The following ANKRD6 variants were observed in gnomAD, a reference collection of about 807,000 sequenced individuals.
ANKRD6 encodes the protein ankyrin repeat domain 6.
Under a neutral mutation model 82.3 loss-of-function variants are expected in ANKRD6, and 56 were observed. The ratio of observed to expected loss-of-function variants is 0.68; its 90% confidence interval spans 0.55 to 0.85. The LOEUF is 0.85. Ranked by LOEUF, ANKRD6 falls within the 40% of genes least tolerant of loss-of-function variation. ANKRD6 has a pLI of 0.00. For missense variants in ANKRD6, 852 were observed against 907.6 expected (o/e 0.94, Z 0.79); for synonymous variants, 347 against 352.1 (o/e 0.99, Z 0.16).
intron 1 of ANKRD6, among the ~76,000 whole-genome samples, chr6:89,493,703 G>T (rs1438020161): frequency 6.6e-6 from 1 of 152,010 alleles, no homozygotes; most frequent in Non-Finnish European, 1.5e-5. Flanking sequence ...GGTGTGAGCC[G>T]CCACGCCCAG....
chr6:89,488,570 G>T (rs537813522), intron 1 of ANKRD6, among the ~76,000 whole-genome samples: 1 of 152,170 alleles, frequency 6.6e-6, no homozygotes, highest in Non-Finnish European at 1.5e-5. Context: ...TCTCATTCAG[G>T]ATTCTCAGAT....
At chr6:89,474,505 C>T (rs994679778) in intron 1 of ANKRD6, among the ~76,000 whole-genome samples, 5 of 152,156 alleles carry the variant, frequency 3.3e-5, no homozygotes, top group African/African-American at 1.2e-4. Flanking sequence ...GCAAGCTCCA[C>T]CTCCTGGGTT....
chr6:89,589,179 T>C (rs1323833911), intron 2 of ANKRD6, among the ~76,000 whole-genome samples: 1 of 152,064 alleles, frequency 6.6e-6, no homozygotes, highest in East Asian at 1.9e-4. Context: ...GGGTCCAAGA[T>C]ACTGAAGCAG....
intron 3 of ANKRD6, among the ~76,000 whole-genome samples, chr6:89,600,339 G>A (rs1377887631): frequency 6.6e-6 from 1 of 152,190 alleles, no homozygotes; most frequent in Non-Finnish European, 1.5e-5. Flanking sequence ...CCAAGGCTTA[G>A]GTTAGTCTGT....
At chr6:89,443,709 C>T (rs561477144) in intron 1 of ANKRD6, among the ~76,000 whole-genome samples, 1 of 152,244 alleles carries the variant, frequency 6.6e-6, no homozygotes, top group Non-Finnish European at 1.5e-5. Context: ...ATAATTTGAG[C>T]CCTTATGGCA....
At position 89,633,529 on chromosome 6, in the gene ANKRD6, A is replaced by G. The variant is rs1160382938; in HGVS notation, c.*2525A>G. 6.6e-6 allele frequency: 1 copy of G among 152,246 alleles called. No homozygotes were observed. The highest frequency in any genetic ancestry group is 6.5e-5 in the Admixed American group (1 of 15,288). 9.4% of individuals were successfully genotyped at this position (152,246 alleles called of 1,614,324 possible). On this transcript the variant is annotated 3_prime_UTR_variant, in exon 16 of 16. Transcript: ENST00000339746. The stretch of plus-strand genomic sequence containing the variant: ...GGCTGAAATTTTCAACAGCTGTGGG[A>G]AAAACTAAAACACAGAAATACTGTA...
chr6:89,524,155 C>T (rs1442631912), intron 1 of ANKRD6, among the ~76,000 whole-genome samples: 1 of 151,976 alleles, frequency 6.6e-6, no homozygotes, highest in African/African-American at 2.4e-5. Context: ...TGATAATTTT[C>T]TTTTTATTTT....
At chr6:89,469,779 A>G (rs1327352931) in intron 1 of ANKRD6, among the ~76,000 whole-genome samples, 1 of 152,122 alleles carries the variant, frequency 6.6e-6, no homozygotes, top group African/African-American at 2.4e-5. Context: ...GAACCAACTC[A>G]TCCATTTCTA....
chr6:89,620,559 C>T (rs978204108), intron 9 of ANKRD6, among the ~76,000 whole-genome samples: 2 of 152,130 alleles, frequency 1.3e-5, no homozygotes, highest in Admixed American at 6.5e-5. Flanking sequence ...GGTCTAAGGA[C>T]TCTTTTACAT....
intron 3 of ANKRD6, among the ~76,000 whole-genome samples, chr6:89,596,365 A>T (rs775705691): frequency 1.3e-5 from 2 of 152,200 alleles, no homozygotes; most frequent in Non-Finnish European, 2.9e-5. Flanking sequence ...ATTAGTGAGT[A>T]TGGGCAAGAC....
chr6:89,506,780 C>T (rs1478011268), intron 1 of ANKRD6, among the ~76,000 whole-genome samples: 2 of 152,328 alleles, frequency 1.3e-5, no homozygotes, highest in African/African-American at 4.8e-5. Flanking sequence ...TTAGTTGGTT[C>T]GCATCCCGAT....
In ANKRD6 at chr6:89,546,693, C is replaced by A. The variant is rs993062311; in HGVS notation, c.-143-20141C>A. On this transcript the variant is annotated intron_variant, in intron 1 of 15. Coordinates refer to ENST00000339746, the MANE Select transcript of ANKRD6 (RefSeq NM_001242809.2). ...GGCCAGGCTGGTCTCAAACTCCTGA[C>A]CTCAAGTGATCTGCCCACCTTGACC... 4.6e-5 allele frequency among the ~76,000 whole-genome samples: 7 copies of A among 152,128 alleles called. 1 individual carries two copies. Among genetic ancestry groups the A allele is most frequent in the Admixed American group, 4.6e-4 (7 of 15,274 alleles).
At chr6:89,546,666 T>A (rs1785137076) in intron 1 of ANKRD6, among the ~76,000 whole-genome samples, 2 of 152,122 alleles carry the variant, frequency 1.3e-5, no homozygotes, top group South Asian at 4.1e-4. Flanking sequence ...TTTCATCATG[T>A]CGGCCAGGCT....
intron 3 of ANKRD6, chr6:89,598,143 C>G: frequency 1.0e-6 from 1 of 985,360 alleles, no homozygotes; most frequent in Non-Finnish European, 1.2e-6. Flanking sequence ...GAAGAATGAC[C>G]TCCAGTGGCC....
chr6:89,579,756 C>CAAAA (rs61159223), intron 2 of ANKRD6, among the ~76,000 whole-genome samples: 22,661 of 67,976 alleles, frequency 0.33, 4,705 homozygotes, highest in East Asian at 0.72. Context: ...GACCCTGTCT[C>CAAAA]AAAAAAAAAA....
At chr6:89,545,225 A>AG (rs1419469480) in intron 1 of ANKRD6, among the ~76,000 whole-genome samples, 3 of 148,334 alleles carry the variant, frequency 2.0e-5, no homozygotes, top group East Asian at 2.0e-4. Flanking sequence ...AAAAAAAAAA[A>AG]AAAAAGAAAA....
At chr6:89,454,030 T>C (rs1773214819) in intron 1 of ANKRD6, among the ~76,000 whole-genome samples, 1 of 152,156 alleles carries the variant, frequency 6.6e-6, no homozygotes, top group Non-Finnish European at 1.5e-5. Context: ...CTTGAACTCC[T>C]GACCTCAGGT....
chr6:89,628,989 A>G (rs1806647621), intron 14 of ANKRD6, 123 bp from the exon 15 acceptor site: 1 of 1,118,382 alleles, frequency 8.9e-7, no homozygotes, highest in Non-Finnish European at 1.2e-6. Flanking sequence ...TGGGTTTGTT[A>G]GATGGTATCC....
intron 1 of ANKRD6, among the ~76,000 whole-genome samples, chr6:89,481,836 G>T (rs764254962): frequency 2.6e-5 from 4 of 152,128 alleles, no homozygotes; most frequent in Non-Finnish European, 4.4e-5. Context: ...GGTACTGGTG[G>T]TGCTGGTGAT....
Sources: allele counts gnomAD v4.1 joint callset (sites outside exome capture counted in the v4.1 genomes callset), GRCh38; gene constraint gnomAD v4.1.1; transcripts MANE v1.5; gene names NCBI Gene and HGNC (gene_info 2026-07-23, HGNC 2026-07-21).